TXNRD3: variants seen among roughly 807,000 people sequenced by gnomAD.
TXNRD3 encodes TXNRD3 neighbor gene protein.
Under a neutral mutation model 78.2 loss-of-function variants are expected in TXNRD3, and 68 were observed. The ratio of observed to expected loss-of-function variants is 0.87; its 90% CI spans 0.72 to 1.06. TXNRD3 has a LOEUF of 1.06. Ranked by LOEUF, TXNRD3 falls within the 50% of genes least tolerant of loss-of-function variation. TXNRD3 has a pLI of 0.00. For missense variants in TXNRD3, 751 were observed against 809.5 expected, an observed-to-expected ratio of 0.93 and a Z score of 0.88; for synonymous variants, 296 against 300.1, an observed-to-expected ratio of 0.99 and a Z score of 0.14.
intron 13 of TXNRD3, among the ~76,000 whole-genome samples, chr3:126,613,294 A>T (rs565528260): frequency 4.6e-5 from 7 of 152,252 alleles, no homozygotes; most frequent in African/African-American, 1.7e-4. Context: ...GGCTCTATGC[A>T]AGAGCAAGAT....
At chr3:126,621,993 A>G (rs1938468534) in intron 11 of TXNRD3, 95 bp from the exon 12 acceptor site, 1 of 1,056,194 alleles carries the variant, frequency 9.5e-7, no homozygotes, top group East Asian at 2.8e-5. Context: ...AATACATAGA[A>G]GACCTCTTAA....
rs778519718 is a variant in TXNRD3 at position 126,642,012 on chromosome 3, C to T, written c.712+20G>A. 2.0e-6 allele frequency: 3 copies of T among 1,520,876 alleles called. No homozygotes were observed. The South Asian group carries it at 3.7e-5, about 19-fold the overall frequency. The allele number at this position is 1,520,876 out of a possible 1,614,324, so 94.2% of individuals were successfully genotyped here. On this transcript the variant is annotated intron_variant, in intron 6 of 15. Coordinates refer to ENST00000524230, the MANE Select transcript of TXNRD3 (RefSeq NM_052883.3). ...ATTTTTTCTTTTCTCTCAATCTATA[C>T]TTTATGAACCATTACTCACCTTGTT...
intron 7 of TXNRD3, among the ~76,000 whole-genome samples, chr3:126,632,891 G>A (rs1163701094): frequency 6.6e-6 from 1 of 152,102 alleles, no homozygotes; most frequent in African/African-American, 2.4e-5. Flanking sequence ...CCTGCAGACT[G>A]GGAATGTGCT....
intron 1 of TXNRD3, among the ~76,000 whole-genome samples, chr3:126,649,879 A>T (rs1473071943): frequency 6.6e-6 from 1 of 152,222 alleles, no homozygotes; most frequent in Non-Finnish European, 1.5e-5. Context: ...ATGGGTATAG[A>T]ATTTCAGTTT....
intron 3 of TXNRD3, among the ~76,000 whole-genome samples, chr3:126,645,319 T>G (rs1355355962): frequency 6.6e-6 from 1 of 152,202 alleles, no homozygotes; most frequent in Non-Finnish European, 1.5e-5. Flanking sequence ...CATCTACAGA[T>G]TTATTCTTGG....
chr3:126,650,458 T>C (rs1933361316), intron 1 of TXNRD3, among the ~76,000 whole-genome samples: 1 of 151,992 alleles, frequency 6.6e-6, no homozygotes. Flanking sequence ...CTGGGCAACA[T>C]GGTGAAACAC....
rs1933483575 is a variant in TXNRD3, at chr3:126,655,056, C to T, written c.-66G>A. The stretch of plus-strand genomic sequence containing the variant: ...AACCGAAACGCAGGCGGCTGCGGCG[C>T]CGGGACGGGGCCTGAGGGGCGGCGA... On this transcript the variant is annotated 5_prime_UTR_variant, in exon 1 of 16. Coordinates refer to ENST00000524230, the MANE Select transcript of TXNRD3 (RefSeq NM_052883.3). The T allele has an allele frequency of 7.7e-7, 1 of 1,291,712 alleles. No homozygotes were observed. The highest frequency in any genetic ancestry group is 9.8e-7 in the Non-Finnish European group (1 of 1,021,078). The allele number at this position is 1,291,712 out of a possible 1,614,324, so 80.0% of individuals were successfully genotyped here.
intron 9 of TXNRD3, 55 bp from the exon 10 acceptor site, chr3:126,629,526 C>G (rs963977985): frequency 1.5e-6 from 2 of 1,350,262 alleles, no homozygotes; most frequent in African/African-American, 2.9e-5. Context: ...AAAAGAAATA[C>G]ACGAAAGGGT....
intron 11 of TXNRD3, among the ~76,000 whole-genome samples, 176 bp downstream of exon 11, chr3:126,622,288 T>G (rs1938475845): frequency 6.6e-6 from 1 of 152,238 alleles, no homozygotes; most frequent in Non-Finnish European, 1.5e-5. Flanking sequence ...TTAAGGCATA[T>G]GAGCTTTTTA....
At chr3:126,629,862 A>G (rs1938669005) in intron 9 of TXNRD3, among the ~76,000 whole-genome samples, 1 of 152,242 alleles carries the variant, frequency 6.6e-6, no homozygotes, top group Non-Finnish European at 1.5e-5. Context: ...GCTTATGAGG[A>G]ATTCAAGTGG....
chr3:126,621,844 A>G lies in TXNRD3; in HGVS notation c.1422T>C (p.Tyr474=). ...TATCCTCCAAAATATCACCAACAGC[A>G]TAGACATATGGCACATTGGTCTGTT... The change falls in exon 12 of 16, where the codon TAT becomes TAC. Residue 474 remains tyrosine (Y), a synonymous_variant. Transcript: ENST00000524230. The G allele has an allele frequency of 6.5e-7, 1 of 1,535,376 alleles. No homozygotes were observed. The highest frequency in any genetic ancestry group is 8.7e-7 in the Non-Finnish European group (1 of 1,146,742).
intron 2 of TXNRD3, 137 bp from the exon 3 acceptor site, chr3:126,646,357 A>G: frequency 1.8e-6 from 1 of 568,282 alleles, no homozygotes; most frequent in African/African-American, 1.9e-5. Flanking sequence ...ACTTTATGAA[A>G]TGATAACTCA....
At chr3:126,653,138 G>A (rs1177667771) in intron 1 of TXNRD3, among the ~76,000 whole-genome samples, 1 of 152,040 alleles carries the variant, frequency 6.6e-6, no homozygotes, top group African/African-American at 2.4e-5. Context: ...ACATGTTTTG[G>A]GTCTTTATTT....
At chr3:126,642,381 A>G (rs1933114847) in intron 5 of TXNRD3, among the ~76,000 whole-genome samples, 1 of 152,252 alleles carries the variant, frequency 6.6e-6, no homozygotes. Context: ...TTCTGGGCAC[A>G]GCATCCAAAA....
intron 6 of TXNRD3, among the ~76,000 whole-genome samples, chr3:126,637,932 C>CTTTTTTTTTTTT (rs71615916): frequency 1.8e-4 from 11 of 60,234 alleles, no homozygotes; most frequent in African/African-American, 2.9e-4. Flanking sequence ...ATTTCTCTCT[C>CTTTTTTTTTTTT]TTTTTTTTTT....
intron 10 of TXNRD3, among the ~76,000 whole-genome samples, chr3:126,627,087 C>T (rs1938596080): frequency 6.6e-6 from 1 of 152,094 alleles, no homozygotes; most frequent in South Asian, 2.1e-4. Flanking sequence ...AACCATCTCT[C>T]TCTATATATC....
At position 126,628,864 on chromosome 3, in the gene TXNRD3, T is replaced by G. The variant is rs1040610506; in HGVS notation, c.1290+515A>C. ...GATGTTCTTTCTCTACGCTGCATTT[T>G]TTTAACTGAAAAAATTTCTACATAA... On this transcript the variant is annotated intron_variant, in intron 10 of 15. Transcript: ENST00000524230. Among the ~76,000 whole-genome samples the G allele has an allele frequency of 2.0e-5, 3 of 152,230 alleles. 1 individual carries two copies.
intron 12 of TXNRD3, among the ~76,000 whole-genome samples, chr3:126,617,545 G>A (rs77562200): frequency 1.6e-4 from 24 of 152,300 alleles, no homozygotes; most frequent in African/African-American, 4.3e-4. Context: ...TGGAGAATCC[G>A]TGCCCAAACC....
intron 6 of TXNRD3, among the ~76,000 whole-genome samples, chr3:126,636,308 CTTT>C (rs543527685): frequency 6.6e-6 from 1 of 152,040 alleles, no homozygotes; most frequent in Non-Finnish European, 1.5e-5. Flanking sequence ...TTTAAAATAT[CTTT>C]TTATTACTTC....
Sources: allele counts gnomAD v4.1 joint callset (sites outside exome capture counted in the v4.1 genomes callset), GRCh38; gene constraint gnomAD v4.1.1; transcripts MANE v1.5; gene names NCBI Gene and HGNC (gene_info 2026-07-23, HGNC 2026-07-21).